The following ARHGAP26 variants were observed in gnomAD, a reference collection of about 807,000 sequenced individuals.
ARHGAP26 encodes rho GTPase-activating protein 26.
Under a neutral mutation model 104.8 loss-of-function variants are expected in ARHGAP26, and 38 were observed. That is an observed-to-expected ratio of 0.36 (90% CI 0.28 to 0.48). The LOEUF is 0.48. ARHGAP26 is among the 20% of genes least tolerant of loss of function. ARHGAP26 has a pLI of 0.99. For synonymous variants in ARHGAP26, 341 were observed against 340.0 expected, an observed-to-expected ratio of 1.00 and a Z score of -0.03; for missense variants, 704 against 947.9, an observed-to-expected ratio of 0.74 and a Z score of 3.38.
chr5:142,811,128 A>G (rs1442814268), intron 1 of ARHGAP26, among the ~76,000 whole-genome samples: 1 of 152,210 alleles, frequency 6.6e-6, no homozygotes, highest in East Asian at 1.9e-4. Context: ...TGCCAATGGA[A>G]GTAAAAATAG....
intron 17 of ARHGAP26, among the ~76,000 whole-genome samples, chr5:143,086,030 G>C (rs1790542981): frequency 6.6e-6 from 1 of 151,992 alleles, no homozygotes; most frequent in African/African-American, 2.4e-5. Context: ...TTTTATCCTA[G>C]TCTTTGACTG....
chr5:143,216,277 C>T, intron 22 of ARHGAP26: 1 of 471,198 alleles, frequency 2.1e-6, no homozygotes, highest in Non-Finnish European at 4.4e-6. Context: ...CCACTGGCCG[C>T]CTGACACATC....
chr5:142,845,446 A>C (rs1561939930), intron 1 of ARHGAP26, among the ~76,000 whole-genome samples: 2 of 152,162 alleles, frequency 1.3e-5, no homozygotes, highest in Non-Finnish European at 2.9e-5. Context: ...TGTGCCATGC[A>C]GTTCCCCTAG....
At chr5:142,922,934 T>G (rs1437451438) in intron 10 of ARHGAP26, among the ~76,000 whole-genome samples, 1 of 152,322 alleles carries the variant, frequency 6.6e-6, no homozygotes, top group East Asian at 1.9e-4. Flanking sequence ...GGAGTTTTCC[T>G]TCCTCAGAGG....
intron 7 of ARHGAP26, among the ~76,000 whole-genome samples, chr5:142,903,123 G>A (rs537804247): frequency 6.6e-6 from 1 of 152,246 alleles, no homozygotes; most frequent in African/African-American, 2.4e-5. Context: ...TTTTAAGGAG[G>A]GACTCATCTG....
chr5:143,009,328 G>A (rs1778421997), intron 11 of ARHGAP26, among the ~76,000 whole-genome samples: 1 of 152,010 alleles, frequency 6.6e-6, no homozygotes, highest in African/African-American at 2.4e-5. Flanking sequence ...TGTCATCATC[G>A]TCATCACAAT....
intron 11 of ARHGAP26, among the ~76,000 whole-genome samples, chr5:142,967,827 G>A (rs1598425435): frequency 6.6e-6 from 1 of 152,140 alleles, no homozygotes; most frequent in Non-Finnish European, 1.5e-5. Context: ...AAAGGGTGGT[G>A]CACGGATATG....
intron 17 of ARHGAP26, among the ~76,000 whole-genome samples, chr5:143,102,284 A>T (rs1362449695): frequency 6.6e-6 from 1 of 152,028 alleles, no homozygotes; most frequent in East Asian, 1.9e-4. Context: ...GATAAACTTC[A>T]GTCTGTTCCA....
chr5:142,879,533 T>A, intron 4 of ARHGAP26, 88 bp downstream of exon 4: 1 of 1,258,020 alleles, frequency 7.9e-7, no homozygotes, highest in African/African-American at 1.5e-5. Context: ...TCTTCAGAAA[T>A]GTCTTCAGAA....
At chr5:142,970,920 C>A (rs1772171478) in intron 11 of ARHGAP26, among the ~76,000 whole-genome samples, 1 of 152,164 alleles carries the variant, frequency 6.6e-6, no homozygotes, top group Non-Finnish European at 1.5e-5. Context: ...ACTAAAATAG[C>A]CATCTTTCAG....
intron 20 of ARHGAP26, among the ~76,000 whole-genome samples, chr5:143,176,832 G>A (rs749320245): frequency 6.6e-6 from 1 of 152,112 alleles, no homozygotes; most frequent in Admixed American, 6.6e-5. Context: ...GATTTTCATC[G>A]TTATGCAATT....
intron 11 of ARHGAP26, among the ~76,000 whole-genome samples, chr5:142,936,891 A>T (rs1765501696): frequency 6.6e-6 from 1 of 152,102 alleles, no homozygotes; most frequent in Non-Finnish European, 1.5e-5. Flanking sequence ...TGGATGACAG[A>T]TCTAAATGTA....
In ARHGAP26 at chr5:142,907,723, G is replaced by T; in HGVS notation, c.852G>T (p.Trp284Cys). The change falls in exon 9 of 23, where the codon TGG becomes TGT. Residue 284 changes from tryptophan (W) to cysteine (C), a missense_variant. This residue lies in a region of ARHGAP26 where 287 missense variants were observed against 438.8 expected (regional missense o/e 0.65). Coordinates refer to ENST00000645722, the MANE Select transcript of ARHGAP26 (RefSeq NM_001135608.3). ...VQEKRHFGTSWVKHYCTYQRD... is the reference protein window; with the variant it reads ...VQEKRHFGTSCVKHYCTYQRD... ...TTTCAGGTCACTTTGGAACTTCTTG[G>T]GTGAAGCACTACTGTACATATCAAC... The T allele has an allele frequency of 6.2e-7, 1 of 1,604,580 alleles. No individual in the cohort carries two copies. Among genetic ancestry groups the T allele is most frequent in the Non-Finnish European group, 8.5e-7 (1 of 1,173,846 alleles).
At chr5:143,029,656 G>A (rs909099798) in intron 12 of ARHGAP26, among the ~76,000 whole-genome samples, 12 of 151,860 alleles carry the variant, frequency 7.9e-5, no homozygotes, top group East Asian at 1.9e-4. Flanking sequence ...CGATCTTCTC[G>A]CCTCATCCTC....
chr5:143,069,914 G>A (rs535148741), intron 17 of ARHGAP26, among the ~76,000 whole-genome samples: 78 of 152,260 alleles, frequency 5.1e-4, no homozygotes, highest in African/African-American at 1.8e-3. Context: ...TTCCCCAGAA[G>A]CCTGATTCTG....
intron 17 of ARHGAP26, among the ~76,000 whole-genome samples, chr5:143,065,813 C>T (rs913247442): frequency 6.6e-6 from 1 of 152,120 alleles, no homozygotes; most frequent in Non-Finnish European, 1.5e-5. Context: ...TACGCTGGGA[C>T]AAGGGGAAGT....
At chr5:142,843,124 GC>G (rs1771137908) in intron 1 of ARHGAP26, among the ~76,000 whole-genome samples, 1 of 152,140 alleles carries the variant, frequency 6.6e-6, no homozygotes, top group African/African-American at 2.4e-5. Context: ...GGAAAAGCTT[GC>G]CATGAATGTT....
chr5:143,165,842 G>T (rs191026987), intron 20 of ARHGAP26, among the ~76,000 whole-genome samples: 1 of 152,248 alleles, frequency 6.6e-6, no homozygotes, highest in Non-Finnish European at 1.5e-5. Flanking sequence ...TGAGTACGAC[G>T]AACAGTTCCT....
chr5:142,916,172 ATGTT>A (rs1199149286), intron 10 of ARHGAP26, among the ~76,000 whole-genome samples: 5 of 152,358 alleles, frequency 3.3e-5, no homozygotes, highest in African/African-American at 1.2e-4. Context: ...GTGACTAGAA[ATGTT>A]TTATTCTATC....
Sources: allele counts gnomAD v4.1 joint callset (sites outside exome capture counted in the v4.1 genomes callset), GRCh38; gene constraint gnomAD v4.1.1; regional missense constraint gnomAD v4.1.1; transcripts MANE v1.5; gene names NCBI Gene and HGNC (gene_info 2026-07-23, HGNC 2026-07-21).